Variants in GZMK observed in about 807,000 individuals in gnomAD.
The protein encoded by GZMK is granzyme K.
Under a neutral mutation model 22.8 loss-of-function variants are expected in GZMK, and 18 were observed. That is an observed-to-expected ratio of 0.79 (90% confidence interval 0.54 to 1.17). The LOEUF is 1.17. GZMK is among the 50% of genes most tolerant of loss of function. GZMK has a pLI of 0.00. For missense variants in GZMK, 342 were observed against 320.2 expected, an observed-to-expected ratio of 1.07 and a Z score of -0.52; for synonymous variants, 136 against 115.0, an observed-to-expected ratio of 1.18 and a Z score of -1.17.
At position 55,024,365 on chromosome 5, in the gene GZMK, G is replaced by T. The variant is rs755186969; in HGVS notation, c.43G>T (p.Gly15Trp). The change falls in exon 1 of 5, where the codon GGG becomes TGG. Residue 15 changes from glycine to tryptophan, a missense_variant. Coordinates refer to ENST00000231009, the MANE Select transcript of GZMK (RefSeq NM_002104.3). ...SSFSLFFLIV[G>W]AYMTHVCFNM... ...CTTTTCTCTGTTTTTCCTAATAGTTGGGGCTTATATGACTCATGTGTGTAA... is the reference window on the plus strand; with the variant it reads ...CTTTTCTCTGTTTTTCCTAATAGTTTGGGCTTATATGACTCATGTGTGTAA... The T allele has an allele frequency of 2.7e-6, 4 of 1,488,410 alleles. No individual in the cohort carries two copies. The highest frequency in any genetic ancestry group is 2.8e-6 in the Non-Finnish European group (3 of 1,067,488). 92.2% of individuals were successfully genotyped at this position (1,488,410 alleles called of 1,614,324 possible).
chr5:55,031,393 T>C lies in GZMK; in HGVS notation c.393T>C (p.His131=), dbSNP rs1741229563. 3 of 1,613,642 alleles carry C rather than the reference T, an allele frequency of 1.9e-6. No individual in the cohort carries two copies. Among genetic ancestry groups the C allele is most frequent in the Non-Finnish European group, 2.5e-6 (3 of 1,179,534 alleles). Residue 131 remains histidine (H), a synonymous_variant, in exon 4 of 5, where the codon CAT becomes CAC. Transcript: ENST00000231009. Reference sequence around the variant, plus strand: ...AAACAGCCGCAAAACTCAATAAACATGTCAAGATGCTCCACATAAGATCCA... The same window carrying C: ...AAACAGCCGCAAAACTCAATAAACACGTCAAGATGCTCCACATAAGATCCA... ...KLQTAAKLNK[H]VKMLHIRSKT... is the part of the protein sequence containing the mutation.
At chr5:55,028,115 CAAT>C (rs1387470622) in intron 2 of GZMK, 1 of 152,218 alleles carries the variant, frequency 6.6e-6, no homozygotes, top group Non-Finnish European at 1.5e-5. Flanking sequence ...ATTTCAAAGG[CAAT>C]AACTAGCCGA....
In GZMK at chr5:55,033,752, T is replaced by C. The variant is rs773973330; in HGVS notation, c.634-13T>C. 13 of 1,575,904 alleles carry C rather than the reference T, an allele frequency of 8.2e-6. 1 individual carries two copies. In the South Asian group the frequency reaches 1.5e-4, roughly 19 times the overall value. On this transcript the variant is annotated splice_polypyrimidine_tract_variant and intron_variant, in intron 4 of 4. Transcript: ENST00000231009. ...GCTTCTTACCACGTATTTGCCCTTT[T>C]TCTTCCTTCCAGGGTGACTCAGGGG...
intron 4 of GZMK, among the ~76,000 whole-genome samples, chr5:55,033,101 C>A (rs1322902607): frequency 6.6e-6 from 1 of 151,826 alleles, no homozygotes; most frequent in East Asian, 1.9e-4. Flanking sequence ...CATGCCATCC[C>A]CTCTATAGCT....
intron 2 of GZMK, among the ~76,000 whole-genome samples, chr5:55,025,432 A>C (rs760213549): frequency 6.6e-5 from 10 of 152,308 alleles, no homozygotes; most frequent in Admixed American, 4.6e-4. Context: ...ATAATGAGAG[A>C]GTTATTTTCT....
At chr5:55,025,294 T>C (rs369827598) in intron 2 of GZMK, among the ~76,000 whole-genome samples, 3 of 152,188 alleles carry the variant, frequency 2.0e-5, no homozygotes, top group African/African-American at 7.2e-5. Context: ...CTATTATCAT[T>C]AGTATTATAC....
intron 2 of GZMK, 164 bp from the exon 3 acceptor site, chr5:55,030,270 A>T: frequency 1.7e-6 from 1 of 598,432 alleles, no homozygotes; most frequent in Admixed American, 3.3e-5. Flanking sequence ...ATATCAATTC[A>T]TGCTGGGCTC....
At chr5:55,027,783 G>A (rs765446952) in intron 2 of GZMK, 22 of 152,374 alleles carry the variant, frequency 1.4e-4, no homozygotes, top group Admixed American at 8.5e-4. Context: ...GTGGGACTCC[G>A]GAAACCACAT....
chr5:55,026,238 C>A (rs887600375), intron 2 of GZMK, among the ~76,000 whole-genome samples: 1 of 152,052 alleles, frequency 6.6e-6, no homozygotes, highest in Non-Finnish European at 1.5e-5. Flanking sequence ...AGGCCTGAAA[C>A]ATGGTGTATG....
chr5:55,031,654 C>A lies in GZMK; in HGVS notation c.633+21C>A, dbSNP rs1373439458. ...GTAAGGTAAGAATCTCTCTTTCAAA[C>A]AGGCATCTTGGAGCGCTGTACAGTA... On this transcript the variant is annotated intron_variant, in intron 4 of 4. Coordinates refer to ENST00000231009, the MANE Select transcript of GZMK (RefSeq NM_002104.3). 6 of 1,604,632 alleles carry A rather than the reference C, an allele frequency of 3.7e-6. No individual in the cohort carries two copies. The Admixed American group carries it at 6.7e-5, about 18-fold the overall frequency.
At chr5:55,029,319 C>T (rs562688890) in intron 2 of GZMK, among the ~76,000 whole-genome samples, 59 of 152,228 alleles carry the variant, frequency 3.9e-4, no homozygotes, top group South Asian at 1.0e-3. Flanking sequence ...TAAATCTCCC[C>T]GATGGAATGG....
rs773134395 is a variant in GZMK, at chr5:55,030,563, A to T, written c.342A>T (p.Ser114=). The change falls in exon 3 of 5, where the codon TCA becomes TCT. Residue 114 remains serine, a synonymous_variant. Coordinates refer to ENST00000231009, the MANE Select transcript of GZMK (RefSeq NM_002104.3). ...CAAGAGTTACATCAGATCCTCAATCAAATGATATCATGCTGGTTAAGGTAG... is the reference window on the plus strand; with the variant it reads ...CAAGAGTTACATCAGATCCTCAATCTAATGATATCATGCTGGTTAAGGTAG... ...PFSRVTSDPQ[S]NDIMLVKLQT... 1.2e-6 allele frequency: 2 copies of T among 1,612,480 alleles called. No homozygotes were observed. The highest frequency in any genetic ancestry group is 4.5e-5 in the East Asian group (2 of 44,886).
chr5:55,033,666 C>G, intron 4 of GZMK, 99 bp from the exon 5 acceptor site: 1 of 812,752 alleles, frequency 1.2e-6, no homozygotes, highest in Non-Finnish European at 2.0e-6. Flanking sequence ...AAGCAAAGAC[C>G]CAGATGATAA....
Position 55,033,751 on chromosome 5 carries a change from T to G in GZMK, c.634-14T>G, listed in dbSNP as rs1469697053. The G allele has an allele frequency of 6.3e-7, 1 of 1,575,818 alleles. No individual in the cohort carries two copies. The highest frequency in any genetic ancestry group is 1.2e-5 in the South Asian group (1 of 84,772). ...AGCTTCTTACCACGTATTTGCCCTT[T>G]TTCTTCCTTCCAGGGTGACTCAGGG... is the stretch of plus-strand genomic sequence containing the variant. On this transcript the variant is annotated splice_polypyrimidine_tract_variant and intron_variant, in intron 4 of 4. Coordinates refer to ENST00000231009, the MANE Select transcript of GZMK (RefSeq NM_002104.3).
At position 55,034,415 on chromosome 5, in the gene GZMK, A is replaced by T. The variant is rs1370635806; in HGVS notation, c.*489A>T. The stretch of plus-strand genomic sequence containing the variant: ...CTCTAGAACTGCTTCATCTCATATA[A>T]ATGAAACTTTATGCCAGTTGAATAG... On this transcript the variant is annotated 3_prime_UTR_variant, in exon 5 of 5. Transcript: ENST00000231009. 1.3e-5 allele frequency: 2 copies of T among 152,258 alleles called. No homozygotes were observed. Among genetic ancestry groups the T allele is most frequent in the Non-Finnish European group, 2.9e-5 (2 of 68,136 alleles). 9.4% of individuals were successfully genotyped at this position (152,258 alleles called of 1,614,324 possible).
In GZMK at chr5:55,024,746, G is replaced by T; in HGVS notation, c.151G>T (p.Val51Phe). 1 of 1,611,208 alleles carries T rather than the reference G, an allele frequency of 6.2e-7. No homozygotes were observed. Among genetic ancestry groups the T allele is most frequent in the Non-Finnish European group, 8.5e-7 (1 of 1,177,420 alleles). ...MASIQYGGHH[V>F]CGGVLIDPQW... ...CTCCATCCAGTATGGCGGACATCACGTTTGTGGAGGTGTTCTGATTGATCC... is the reference window on the plus strand; with the variant it reads ...CTCCATCCAGTATGGCGGACATCACTTTTGTGGAGGTGTTCTGATTGATCC... The change falls in exon 2 of 5, where the codon GTT becomes TTT. Residue 51 changes from valine to phenylalanine, a missense_variant. By Grantham distance (50) the Val-to-Phe change is conservative. Transcript: ENST00000231009.
chr5:55,025,128 C>T (rs1393861988), intron 2 of GZMK: 1 of 184,724 alleles, frequency 5.4e-6, no homozygotes, highest in African/African-American at 2.3e-5. Flanking sequence ...AAAAGGAAAT[C>T]AGACAACCTG....
At position 55,024,423 on chromosome 5, in the gene GZMK, GA is replaced by G. The variant is rs754976924; in HGVS notation, c.64+39del. The G allele has an allele frequency of 1.8e-5, 17 of 952,368 alleles. No homozygotes were observed. In the African/African-American group the frequency reaches 2.0e-4, roughly 11 times the overall value. 59.0% of individuals were successfully genotyped at this position (952,368 alleles called of 1,614,324 possible). A position where few individuals can be genotyped will look rare whatever the true frequency, so the allele number is the denominator to read the frequency against. ...CTATATCTACATGTAAACATTAAAT[GA>G]ATTTCTACTGACTATATTGTTATAT... On this transcript the variant is annotated intron_variant, in intron 1 of 4. Coordinates refer to ENST00000231009, the MANE Select transcript of GZMK (RefSeq NM_002104.3).
chr5:55,034,088 A>G lies in GZMK; in HGVS notation c.*162A>G, dbSNP rs577473411. 3.6e-6 allele frequency: 2 copies of G among 551,836 alleles called. No individual in the cohort carries two copies. Among genetic ancestry groups the G allele is most frequent in the East Asian group, 6.0e-5 (2 of 33,380 alleles). The allele number at this position is 551,836 out of a possible 1,614,324, so 34.2% of individuals were successfully genotyped here. On this transcript the variant is annotated 3_prime_UTR_variant, in exon 5 of 5. Transcript: ENST00000231009. ...TCTTTTTCACTTGTATCACTGATGT[A>G]TTTCTACCATGCTGGTTTTATTCTA...
Sources: gnomAD v4.1 joint callset for allele counts (sites outside exome capture counted in the v4.1 genomes callset) on GRCh38, gnomAD v4.1.1 for gene constraint, MANE v1.5 for transcripts, NCBI Gene and HGNC (gene_info 2026-07-23, HGNC 2026-07-21) for gene names.